The following USP32 variants were observed in gnomAD, a reference collection of about 807,000 sequenced individuals.
USP32 encodes ubiquitin specific peptidase 32, also known as ubiquitin carboxyl-terminal hydrolase 32.
USP32 carries 59 observed loss-of-function variants against 204.8 expected under a neutral mutation model. That is an observed-to-expected ratio of 0.29 (90% CI 0.23 to 0.36). The LOEUF (loss-of-function observed/expected upper bound fraction) is 0.36, where lower values mean the gene tolerates loss of function less well. Ranked by LOEUF, USP32 falls within the 10% of genes least tolerant of loss-of-function variation. The pLI, the probability that USP32 is intolerant of heterozygous loss-of-function variation, is 1.00. For synonymous variants in USP32, 517 were observed against 678.4 expected, an observed-to-expected ratio of 0.76 and a Z score of 3.70; for missense variants, 1,160 against 1,946.4, an observed-to-expected ratio of 0.60 and a Z score of 7.60.
intron 11 of USP32, among the ~76,000 whole-genome samples, chr17:60,238,944 G>A (rs895080898): frequency 1.3e-5 from 2 of 152,146 alleles, no homozygotes; most frequent in African/African-American, 2.4e-5. Context: ...GTGACAGTGT[G>A]AGACTGTCTC....
intron 21 of USP32, among the ~76,000 whole-genome samples, chr17:60,209,893 A>G (rs2084915857): frequency 6.6e-6 from 1 of 152,138 alleles, no homozygotes; most frequent in Non-Finnish European, 1.5e-5. Flanking sequence ...AACGTTTTAC[A>G]TTTTTATATG....
chr17:60,296,896 T>C (rs2087443194), intron 3 of USP32, among the ~76,000 whole-genome samples: 1 of 152,122 alleles, frequency 6.6e-6, no homozygotes, highest in South Asian at 2.1e-4. Context: ...CAGAAAATCC[T>C]TAAAAACAGA....
Position 60,258,068 on chromosome 17 carries a change from G to A in USP32, c.991-2810C>T, listed in dbSNP as rs1051699430. ...GGGAGCAAGCAGATAAGATGAAGAA[G>A]ATGGAGATCAAGACAGAGCAGGTAT... On this transcript the variant is annotated intron_variant, in intron 9 of 33. Coordinates refer to ENST00000300896, the MANE Select transcript of USP32 (RefSeq NM_032582.4). 1.8e-4 allele frequency: 29 copies of A among 158,814 alleles called. 1 individual carries two copies. In the Admixed American group the frequency reaches 1.8e-3, roughly 10 times the overall value. The allele number at this position is 158,814 out of a possible 1,614,324, so 9.8% of individuals were successfully genotyped here. A position where few individuals can be genotyped will look rare whatever the true frequency, so the allele number is the denominator to read the frequency against.
intron 1 of USP32, among the ~76,000 whole-genome samples, chr17:60,410,297 C>T (rs1293021977): frequency 1.3e-5 from 2 of 152,074 alleles, no homozygotes; most frequent in Non-Finnish European, 2.9e-5. Context: ...CAGCTTTGAC[C>T]CCCTATGATT....
At position 60,198,247 on chromosome 17, in the gene USP32, C is replaced by T. The variant is rs1277959058; in HGVS notation, c.3434+13G>A. 1 of 1,613,260 alleles carries T rather than the reference C, an allele frequency of 6.2e-7. No homozygotes were observed. The highest frequency in any genetic ancestry group is 8.5e-7 in the Non-Finnish European group (1 of 1,179,720). On this transcript the variant is annotated intron_variant, in intron 27 of 33. Coordinates refer to ENST00000300896, the MANE Select transcript of USP32 (RefSeq NM_032582.4). Reference sequence around the variant, plus strand: ...TTGGAAACCACAGGTTTAGATGGATCCCCTGAACTCACCAATCCTGGGCAT... The same window carrying T: ...TTGGAAACCACAGGTTTAGATGGATTCCCTGAACTCACCAATCCTGGGCAT...
At position 60,205,480 on chromosome 17, in the gene USP32, A is replaced by G. The variant is rs1369518003; in HGVS notation, c.3216T>C (p.Phe1072=). Residue 1072 remains phenylalanine (F), a synonymous_variant, in exon 26 of 34, where the codon TTT becomes TTC. Coordinates refer to ENST00000300896, the MANE Select transcript of USP32 (RefSeq NM_032582.4). ...GGTGGACTGCAATGATGTAACCTGTAAAGGGGCTGTCAGGAAGAGATGGCA... is the reference window on the plus strand; with the variant it reads ...GGTGGACTGCAATGATGTAACCTGTGAAGGGGCTGTCAGGAAGAGATGGCA... The part of the protein sequence containing the change: ...GHMPSLPDSP[F]TGYIIAVHRK... 1.9e-6 allele frequency: 3 copies of G among 1,613,252 alleles called. No individual in the cohort carries two copies. In the East Asian group the frequency reaches 6.7e-5, roughly 36 times the overall value.
In USP32 at chr17:60,335,620, A is replaced by C. The variant is rs1211605527; in HGVS notation, c.186+9861T>G. Among the ~76,000 whole-genome samples, 2 of 143,456 alleles carry C rather than the reference A, an allele frequency of 1.4e-5. 1 individual carries two copies. Among genetic ancestry groups the C allele is most frequent in the Non-Finnish European group, 2.9e-5 (2 of 67,810 alleles). The allele number at this position is 143,456 out of a possible 152,430, so 94.1% of individuals were successfully genotyped here. A position where few individuals can be genotyped will look rare whatever the true frequency, so the allele number is the denominator to read the frequency against. On this transcript the variant is annotated intron_variant, in intron 2 of 33. Transcript: ENST00000300896. ...TTCAGAAAAGGGAAAAGTGGAAAAC[A>C]TACGGTAGTCATGAAGGTAAACTGC... is the stretch of plus-strand genomic sequence containing the variant.
At chr17:60,291,539 G>A (rs1267244632) in intron 4 of USP32, among the ~76,000 whole-genome samples, 2 of 78,144 alleles carry the variant, frequency 2.6e-5, no homozygotes, top group South Asian at 3.3e-4. Context: ...GTGTGTGTAT[G>A]TGTGTGTGTG....
chr17:60,327,678 A>C (rs1291782440), intron 2 of USP32, among the ~76,000 whole-genome samples: 2 of 152,222 alleles, frequency 1.3e-5, no homozygotes, highest in African/African-American at 4.8e-5. Context: ...CCGCCCTCTC[A>C]GATGCAGGAC....
intron 2 of USP32, among the ~76,000 whole-genome samples, chr17:60,315,208 G>A (rs1423691333): frequency 6.6e-6 from 1 of 152,032 alleles, no homozygotes; most frequent in African/African-American, 2.4e-5. Context: ...AACCAGCCTG[G>A]GCAACACAGT....
chr17:60,192,419 T>C (rs1378169850), intron 28 of USP32, among the ~76,000 whole-genome samples: 6 of 152,200 alleles, frequency 3.9e-5, no homozygotes, highest in Non-Finnish European at 8.8e-5. Flanking sequence ...AAAACTTATC[T>C]ATTGACCTCA....
At chr17:60,259,373 C>T (rs755397565) in intron 9 of USP32, among the ~76,000 whole-genome samples, 3 of 152,012 alleles carry the variant, frequency 2.0e-5, no homozygotes, top group Non-Finnish European at 4.4e-5. Flanking sequence ...CGTAACAATG[C>T]TGTGATGTAA....
At chr17:60,417,114 A>T (rs1487056796) in intron 1 of USP32, among the ~76,000 whole-genome samples, 1 of 151,754 alleles carries the variant, frequency 6.6e-6, no homozygotes, top group Non-Finnish European at 1.5e-5. Flanking sequence ...GACTGGTTTT[A>T]ACCGTGTTGG....
rs773785026 is a variant in USP32, at chr17:60,191,171, G to T, written c.3522-488C>A. The stretch of plus-strand genomic sequence containing the variant: ...AATCCCAGCACTTTGGGAGGCCGAG[G>T]TGGGTGGATCACCTGAGGTCAGGAG... On this transcript the variant is annotated intron_variant, in intron 28 of 33. Coordinates refer to ENST00000300896, the MANE Select transcript of USP32 (RefSeq NM_032582.4). Among the ~76,000 whole-genome samples, 57 of 152,210 alleles carry T rather than the reference G, an allele frequency of 3.7e-4. 2 individuals are homozygous for T. Among genetic ancestry groups the T allele is most frequent in the Non-Finnish European group, 1.0e-4 (7 of 68,008 alleles).
At chr17:60,222,807 G>A (rs113715657) in intron 14 of USP32, among the ~76,000 whole-genome samples, 89 of 149,818 alleles carry the variant, frequency 5.9e-4, no homozygotes, top group African/African-American at 2.1e-3. Flanking sequence ...TCAGCCTCCC[G>A]AGTATCTGGG....
Position 60,391,618 on chromosome 17 carries a change from A to G in USP32, c.58+264T>C, listed in dbSNP as rs111893871. 3.8e-3 allele frequency among the ~76,000 whole-genome samples: 580 copies of G among 152,288 alleles called. 7 individuals are homozygous for G. Among genetic ancestry groups the G allele is most frequent in the African/African-American group, 0.013 (552 of 41,554 alleles). On this transcript the variant is annotated intron_variant, in intron 1 of 33. Coordinates refer to ENST00000300896, the MANE Select transcript of USP32 (RefSeq NM_032582.4). ...CTTCCCTGGACACATCCAGGATCAC[A>G]ACGCCACCAGCGAGCACGGGCACTG...
At chr17:60,212,352 G>C (rs1289144610) in intron 18 of USP32, among the ~76,000 whole-genome samples, 2 of 152,160 alleles carry the variant, frequency 1.3e-5, no homozygotes, top group Non-Finnish European at 2.9e-5. Context: ...TCGCTCCTTG[G>C]CTACAAACCT....
At chr17:60,358,491 T>C (rs1052176203) in intron 1 of USP32, among the ~76,000 whole-genome samples, 12 of 152,052 alleles carry the variant, frequency 7.9e-5, no homozygotes, top group African/African-American at 2.7e-4. Flanking sequence ...GGGAGAATCA[T>C]TGAACCCAGT....
At chr17:60,204,972 T>TA (rs2084785933) in intron 26 of USP32, among the ~76,000 whole-genome samples, 1 of 149,800 alleles carries the variant, frequency 6.7e-6, no homozygotes, top group African/African-American at 2.5e-5. Context: ...TTTTTTTTTT[T>TA]AGAAGAGACG....
Sources: gnomAD v4.1 joint callset for allele counts (sites outside exome capture counted in the v4.1 genomes callset) on GRCh38, gnomAD v4.1.1 for gene constraint, MANE v1.5 for transcripts, NCBI Gene and HGNC (gene_info 2026-07-23, HGNC 2026-07-21) for gene names.